NAV2: variants seen among roughly 807,000 people sequenced by gnomAD.
NAV2 encodes the protein helicase, APC down-regulated 1.
A neutral mutation model predicts 223.2 loss-of-function variants in NAV2; 54 were observed. The observed-to-expected ratio is 0.24, with a 90% CI of 0.19 to 0.30. The LOEUF (loss-of-function observed/expected upper bound fraction) is 0.30. NAV2 is among the 10% of genes least tolerant of loss of function. NAV2 has a pLI of 1.00. For missense variants in NAV2, 2,806 were observed against 3,147.5 expected (o/e 0.89, Z 2.60); for synonymous variants, 1,279 against 1,239.3 (o/e 1.03, Z -0.67).
chr11:19,608,931 T>G (rs2046555425), intron 1 of NAV2, among the ~76,000 whole-genome samples: 1 of 152,222 alleles, frequency 6.6e-6, no homozygotes, highest in Non-Finnish European at 1.5e-5. Flanking sequence ...CCAGCTGCAA[T>G]CACTGGCATC....
intron 1 of NAV2, among the ~76,000 whole-genome samples, chr11:19,535,323 C>T (rs930736660): frequency 6.6e-6 from 1 of 152,128 alleles, no homozygotes; most frequent in Non-Finnish European, 1.5e-5. Flanking sequence ...CTGAGTAAGG[C>T]TGCAGGGGAG....
chr11:19,907,139 G>A (rs1267004818), intron 6 of NAV2, among the ~76,000 whole-genome samples: 1 of 152,082 alleles, frequency 6.6e-6, no homozygotes, highest in Non-Finnish European at 1.5e-5. Flanking sequence ...ACCCTAAATT[G>A]TGTATATAAG....
At chr11:19,975,970 G>A (rs1397708834) in intron 10 of NAV2, among the ~76,000 whole-genome samples, 1 of 152,130 alleles carries the variant, frequency 6.6e-6, no homozygotes, top group Non-Finnish European at 1.5e-5. Context: ...ATAATGGTCT[G>A]TAAACTGGAT....
intron 1 of NAV2, among the ~76,000 whole-genome samples, chr11:19,813,447 A>G (rs1159615412): frequency 6.6e-6 from 1 of 152,140 alleles, no homozygotes; most frequent in African/African-American, 2.4e-5. Flanking sequence ...AGAAACAGTG[A>G]TTTATTTCCC....
intron 14 of NAV2, among the ~76,000 whole-genome samples, chr11:20,046,177 T>TA (rs1374409653): frequency 6.7e-6 from 1 of 149,564 alleles, no homozygotes; most frequent in Non-Finnish European, 1.5e-5. Context: ...CTACTAAAAA[T>TA]ACAAAAAAAT....
chr11:19,682,419 A>G lies in NAV2; in HGVS notation c.76-150065A>G, dbSNP rs115909774. On this transcript the variant is annotated intron_variant, in intron 1 of 37. Coordinates refer to the NAV2 transcript ENST00000360655. ...GGAAATGTGTACTGTGGAAATGAGC[A>G]CTGCGGTCAATGTGCCAAGCACATT... Among the ~76,000 whole-genome samples the G allele has an allele frequency of 4.6e-5, 7 of 152,350 alleles. 1 individual carries two copies. Among genetic ancestry groups the G allele is most frequent in the African/African-American group, 1.7e-4 (7 of 41,584 alleles).
intron 22 of NAV2, among the ~76,000 whole-genome samples, chr11:20,069,056 C>G (rs12275233): frequency 0.027 from 4,146 of 151,706 alleles, 144 homozygotes; most frequent in East Asian, 0.093. Context: ...GGGGGAGCAC[C>G]TAGCTCACTC....
chr11:19,385,454 A>G (rs1848998277), intron 1 of NAV2, among the ~76,000 whole-genome samples: 1 of 152,232 alleles, frequency 6.6e-6, no homozygotes, highest in South Asian at 2.1e-4. Context: ...AGTGCTATTT[A>G]TCATATTTTC....
In NAV2 at chr11:20,054,340, A is replaced by G. The variant is rs550358280; in HGVS notation, c.4642+100A>G. On this transcript the variant is annotated intron_variant, in intron 18 of 37. Coordinates refer to ENST00000349880, the MANE Select transcript of NAV2 (RefSeq NM_145117.5). The stretch of plus-strand genomic sequence containing the variant: ...TTTATTTCAATAGTTTTTGGGGAGC[A>G]GGTGGTTTTGGTTACATGGGTAAGT... 7.0e-6 allele frequency: 9 copies of G among 1,290,356 alleles called. No homozygotes were observed. The South Asian group carries it at 1.4e-4, about 20-fold the overall frequency. The allele number at this position is 1,290,356 out of a possible 1,614,324, so 79.9% of individuals were successfully genotyped here.
Position 19,935,851 on chromosome 11 carries a change from G to GTTTT in NAV2, c.2033+1595_2033+1598dup, listed in dbSNP as rs765632685. 4.8e-3 allele frequency among the ~76,000 whole-genome samples: 251 copies of GTTTT among 52,688 alleles called. 31 individuals are homozygous for GTTTT. The highest frequency in any genetic ancestry group is 5.0e-3 in the Admixed American group (18 of 3,590). 34.6% of individuals were successfully genotyped at this position (52,688 alleles called of 152,430 possible). A position where few individuals can be genotyped will look rare whatever the true frequency, so the allele number is the denominator to read the frequency against. ...ACGGCTTTTGTTTTGTTTTGTTTCT[G>GTTTT]TTTTTTTTTTTTTTTTTTTTTTTTG... On this transcript the variant is annotated intron_variant, in intron 7 of 37. Transcript: ENST00000349880.
At chr11:19,365,075 GC>G (rs1162015983) in intron 1 of NAV2, among the ~76,000 whole-genome samples, 23 of 152,288 alleles carry the variant, frequency 1.5e-4, no homozygotes, top group Admixed American at 5.2e-4. Flanking sequence ...TTCCAGATAT[GC>G]TTAGAGCCCA....
chr11:20,062,845 C>T (rs56248395), intron 20 of NAV2, among the ~76,000 whole-genome samples: 18,448 of 152,156 alleles, frequency 0.12, 1,174 homozygotes, highest in East Asian at 0.2. Flanking sequence ...TAGGCATGTG[C>T]CACCACGCCC....
At chr11:20,049,504 CA>C (rs2057769943) in intron 15 of NAV2, among the ~76,000 whole-genome samples, 1 of 151,906 alleles carries the variant, frequency 6.6e-6, no homozygotes, top group Non-Finnish European at 1.5e-5. Flanking sequence ...TGTTCATCAA[CA>C]GCTTCTTTTC....
intron 1 of NAV2, among the ~76,000 whole-genome samples, chr11:19,641,710 G>A (rs1245291912): frequency 6.6e-6 from 1 of 151,780 alleles, no homozygotes; most frequent in Non-Finnish European, 1.5e-5. Context: ...TTCCTATGGT[G>A]ACTCTTTCTC....
chr11:19,639,981 C>T (rs899502051), intron 1 of NAV2, among the ~76,000 whole-genome samples: 1 of 152,190 alleles, frequency 6.6e-6, no homozygotes, highest in Non-Finnish European at 1.5e-5. Context: ...GAGACTAACC[C>T]GGCTTCTGCT....
At chr11:20,055,724 G>C (rs779902325) in intron 18 of NAV2, 45 bp from the exon 19 acceptor site, 4 of 1,537,470 alleles carry the variant, frequency 2.6e-6, no homozygotes, top group Non-Finnish European at 3.6e-6. Flanking sequence ...GATTTGAACA[G>C]AGACATGAAT....
upstream of NAV2, among the ~76,000 whole-genome samples, chr11:19,712,819 C>T (rs1215649172): frequency 6.6e-6 from 1 of 151,500 alleles, no homozygotes; most frequent in Non-Finnish European, 1.5e-5. Context: ...CGCGCCGCAG[C>T]AGCGCCGGCA....
chr11:19,542,870 C>A (rs1422784733), intron 1 of NAV2, among the ~76,000 whole-genome samples: 3 of 152,226 alleles, frequency 2.0e-5, no homozygotes, highest in African/African-American at 7.2e-5. Context: ...CTCTCCCCTT[C>A]ACCTGAAACC....
intron 22 of NAV2, among the ~76,000 whole-genome samples, chr11:20,070,737 G>A (rs1729418875): frequency 6.6e-6 from 1 of 152,092 alleles, no homozygotes; most frequent in Non-Finnish European, 1.5e-5. Context: ...CTGGGAATGT[G>A]AGCGTGGCAC....
Sources: allele counts gnomAD v4.1 joint callset (sites outside exome capture counted in the v4.1 genomes callset), GRCh38; gene constraint gnomAD v4.1.1; transcripts MANE v1.5; gene names NCBI Gene and HGNC (gene_info 2026-07-23, HGNC 2026-07-21).